Variants in TBC1D14 observed in about 807,000 individuals in gnomAD.
TBC1D14 encodes TBC1 domain family member 14.
In TBC1D14, 26 loss-of-function variants were observed where a neutral mutation model predicts 79.0. The ratio of observed to expected loss-of-function variants is 0.33; its 90% confidence interval spans 0.24 to 0.46. The LOEUF is 0.46. TBC1D14 is among the 20% of genes least tolerant of loss of function. TBC1D14 has a pLI of 1.00. For missense variants in TBC1D14, 769 were observed against 887.6 expected (o/e 0.87, Z 1.70); for synonymous variants, 394 against 349.9 (o/e 1.13, Z -1.40).
intron 1 of TBC1D14, among the ~76,000 whole-genome samples, chr4:6,919,822 T>C (rs1036314723): frequency 6.6e-6 from 1 of 152,142 alleles, no homozygotes; most frequent in Non-Finnish European, 1.5e-5. Context: ...GGTTTCACCA[T>C]GTTGGTCAGG....
intron 3 of TBC1D14, among the ~76,000 whole-genome samples, chr4:6,970,588 C>T (rs1483427535): frequency 6.6e-6 from 1 of 152,284 alleles, no homozygotes; most frequent in Non-Finnish European, 1.5e-5. Context: ...CATGTTGAGG[C>T]CAGGTCTTGT....
intron 7 of TBC1D14, among the ~76,000 whole-genome samples, chr4:7,004,140 A>ATG (rs1290154416): frequency 2.0e-5 from 3 of 152,234 alleles, no homozygotes; most frequent in Non-Finnish European, 4.4e-5. Flanking sequence ...GGGCACGGAT[A>ATG]TACCTGTGGA....
intron 2 of TBC1D14, among the ~76,000 whole-genome samples, chr4:6,951,612 C>T (rs901397710): frequency 1.3e-5 from 2 of 152,180 alleles, no homozygotes; most frequent in African/African-American, 4.8e-5. Context: ...GTCAGATGAT[C>T]CTCAAAGGGA....
chr4:6,977,265 T>TGCGCGCCGCCAC (rs1460774459), intron 3 of TBC1D14, among the ~76,000 whole-genome samples: 1 of 142,930 alleles, frequency 7.0e-6, no homozygotes, highest in Non-Finnish European at 1.5e-5. Flanking sequence ...CGATTGCAGG[T>TGCGCGCCGCCAC]GCGCGCCGCC....
chr4:6,939,631 C>G (rs564830464), intron 2 of TBC1D14, among the ~76,000 whole-genome samples: 6 of 151,212 alleles, frequency 4.0e-5, no homozygotes, highest in African/African-American at 7.3e-5. Context: ...CCACTTCTCC[C>G]AAATCAAAGC....
At chr4:7,023,622 G>C (rs552690038) in intron 12 of TBC1D14, among the ~76,000 whole-genome samples, 3 of 152,332 alleles carry the variant, frequency 2.0e-5, no homozygotes, top group African/African-American at 7.2e-5. Context: ...CGGTGCTGCT[G>C]CCTCATGGTG....
At chr4:6,961,736 GC>G (rs1422329112) in intron 2 of TBC1D14, among the ~76,000 whole-genome samples, 1 of 152,146 alleles carries the variant, frequency 6.6e-6, no homozygotes, top group Non-Finnish European at 1.5e-5. Flanking sequence ...GGGGTCTGGG[GC>G]TTGGTGTGGA....
At position 6,924,076 on chromosome 4, in the gene TBC1D14, G is replaced by A. The variant is rs931597438; in HGVS notation, c.687G>A (p.Leu229=). ...CVHEAEEGSK[L]KILGPFSNFF... is the part of the protein sequence containing the mutation. ...ATGAAGCTGAGGAGGGGAGTAAATT[G>A]AAAATATTGGGGCCATTTAGTAACT... is the stretch of plus-strand genomic sequence containing the variant. Residue 229 remains leucine, a synonymous_variant, in exon 2 of 14, where the codon TTG becomes TTA. Coordinates refer to ENST00000409757, the MANE Select transcript of TBC1D14 (RefSeq NM_020773.3). 6.2e-7 allele frequency: 1 copy of A among 1,613,514 alleles called. No homozygotes were observed.
At chr4:6,945,069 A>T (rs970702568) in intron 2 of TBC1D14, among the ~76,000 whole-genome samples, 2 of 152,140 alleles carry the variant, frequency 1.3e-5, no homozygotes, top group Non-Finnish European at 2.9e-5. Context: ...TGCCATATAG[A>T]GTCAGGTTCC....
rs1577205108 is a variant in TBC1D14, at chr4:7,030,971, C to G, written c.*579C>G. 1 of 153,578 alleles carries G rather than the reference C, an allele frequency of 6.5e-6. No individual in the cohort carries two copies. Among genetic ancestry groups the G allele is most frequent in the African/African-American group, 2.4e-5 (1 of 41,582 alleles). 9.5% of individuals were successfully genotyped at this position (153,578 alleles called of 1,614,324 possible). On this transcript the variant is annotated 3_prime_UTR_variant, in exon 14 of 14. Transcript: ENST00000409757. ...GTGGATACCTGGGCATCGACCCAGC[C>G]TGCAGGTGAGCTCTGGGCCATGTTG...
chr4:6,962,941 G>A (rs1412273102), intron 2 of TBC1D14, among the ~76,000 whole-genome samples: 1 of 152,216 alleles, frequency 6.6e-6, no homozygotes, highest in African/African-American at 2.4e-5. Context: ...GCAGACGTGT[G>A]TAGAACCTAC....
intron 3 of TBC1D14, 140 bp downstream of exon 3, chr4:6,967,564 G>A: frequency 8.8e-7 from 1 of 1,132,378 alleles, no homozygotes; most frequent in Non-Finnish European, 1.2e-6. Context: ...TCAGATTTAA[G>A]TCTGTATTCA....
intron 2 of TBC1D14, among the ~76,000 whole-genome samples, chr4:6,950,348 A>G (rs1314695027): frequency 1.3e-5 from 2 of 152,200 alleles, no homozygotes; most frequent in African/African-American, 4.8e-5. Context: ...CTCTCTGTAG[A>G]AAATCGTCCT....
chr4:6,923,856 T>A lies in TBC1D14; in HGVS notation c.467T>A (p.Val156Asp), dbSNP rs749796861. The change falls in exon 2 of 14, where the codon GTC (valine) becomes GAC (aspartate). Residue 156 changes from valine (V) to aspartate (D), a missense_variant. By Grantham distance (152) the Val-to-Asp change is radical. Transcript: ENST00000409757. ...CTGACCCGCAGCGATGATGTCTCCG[T>A]CTGCAGCGTGTCCAGTCTTGGGACA... ...KALTRSDDVSVCSVSSLGTEL... is the reference protein window; with the variant it reads ...KALTRSDDVSDCSVSSLGTEL... The A allele has an allele frequency of 6.2e-7, 1 of 1,614,150 alleles. No individual in the cohort carries two copies. The highest frequency in any genetic ancestry group is 8.5e-7 in the Non-Finnish European group (1 of 1,180,038).
At chr4:6,929,440 C>T (rs1283274968) in intron 2 of TBC1D14, among the ~76,000 whole-genome samples, 2 of 152,032 alleles carry the variant, frequency 1.3e-5, no homozygotes, top group East Asian at 1.9e-4. Context: ...CAGCAAAGCC[C>T]GTTGACAGCT....
At chr4:7,006,179 TAAAAG>T (rs1422151105) in intron 8 of TBC1D14, among the ~76,000 whole-genome samples, 1 of 151,974 alleles carries the variant, frequency 6.6e-6, no homozygotes, top group Admixed American at 6.6e-5. Flanking sequence ...TACAAAAAGA[TAAAAG>T]AAAAAAGAAA....
At position 7,010,693 on chromosome 4, in the gene TBC1D14, A is replaced by G. The variant is rs1290673952; in HGVS notation, c.1559A>G (p.Asn520Ser). Reference protein sequence around the residue: ...MSFIAAVLILNLDTADAFIAF... With the variant: ...MSFIAAVLILSLDTADAFIAF... ...TTCATAGCAGCAGTGTTGATCTTGA[A>G]CTTAGATACTGCAGATGCCTTTATT... The change falls in exon 11 of 14, where the codon AAC becomes AGC. Residue 520 changes from asparagine to serine, a missense_variant. Physicochemically the swap from Asn to Ser is conservative, Grantham distance 46. Transcript: ENST00000409757. 1.9e-6 allele frequency: 3 copies of G among 1,613,858 alleles called. No individual in the cohort carries two copies. Among genetic ancestry groups the G allele is most frequent in the Non-Finnish European group, 1.7e-6 (2 of 1,179,986 alleles).
At chr4:6,911,976 G>T (rs183654145) in intron 1 of TBC1D14, among the ~76,000 whole-genome samples, 3 of 152,262 alleles carry the variant, frequency 2.0e-5, no homozygotes, top group African/African-American at 7.2e-5. Flanking sequence ...TTAGAGATGG[G>T]GTCATGGTAT....
At chr4:6,988,566 C>G (rs1164230758) in intron 3 of TBC1D14, among the ~76,000 whole-genome samples, 1 of 152,246 alleles carries the variant, frequency 6.6e-6, no homozygotes, top group African/African-American at 2.4e-5. Flanking sequence ...AGGTACCACT[C>G]GGATGGCCAG....
Sources: gnomAD v4.1 joint callset for allele counts (sites outside exome capture counted in the v4.1 genomes callset) on GRCh38, gnomAD v4.1.1 for gene constraint, MANE v1.5 for transcripts, NCBI Gene and HGNC (gene_info 2026-07-23, HGNC 2026-07-21) for gene names.